The following MUCL3 variants were observed in gnomAD, a reference collection of about 807,000 sequenced individuals.
MUCL3 encodes the protein mucin-like protein 3.
Under a neutral mutation model 70.2 loss-of-function variants are expected in MUCL3, and 42 were observed. That is an observed-to-expected ratio of 0.60 (90% CI 0.47 to 0.77). MUCL3 has a LOEUF of 0.77. Among genes scored for constraint, MUCL3 ranks in the 30% least tolerant of loss-of-function variants. The probability of loss-of-function intolerance (pLI) is 0.00; values close to 1 mark genes in which losing one functional copy is unlikely to be tolerated. For synonymous variants in MUCL3, 522 were observed against 647.0 expected, an observed-to-expected ratio of 0.81 and a Z score of 2.93; for missense variants, 1,429 against 1,670.0, an observed-to-expected ratio of 0.86 and a Z score of 2.52.
Position 30,948,813 on chromosome 6 carries a change from G to A in MUCL3, c.349G>A (p.Ala117Thr). ...CAAAAGCTCTACAGATAATCATGAG[G>A]CTCCTCCCACTTCTGAAGAAAACTC... Reference protein sequence around the residue: ...DHKSSTDNHEAPPTSEENSSN... With the variant: ...DHKSSTDNHETPPTSEENSSN... Residue 117 changes from alanine to threonine, a missense_variant, in exon 2 of 3, where the codon GCT becomes ACT. By Grantham distance (58) the Ala-to-Thr change is moderately conservative. Coordinates refer to ENST00000462446, the MANE Select transcript of MUCL3 (RefSeq NM_080870.4). 6.4e-7 allele frequency: 1 copy of A among 1,551,576 alleles called. No individual in the cohort carries two copies. Among genetic ancestry groups the A allele is most frequent in the Non-Finnish European group, 8.7e-7 (1 of 1,146,980 alleles).
intron 1 of MUCL3, among the ~76,000 whole-genome samples, chr6:30,945,377 G>A (rs776406274): frequency 2.0e-5 from 3 of 150,908 alleles, no homozygotes; most frequent in Non-Finnish European, 4.4e-5. Flanking sequence ...AGTGGCTCAC[G>A]CCTATAATCC....
Position 30,954,148 on chromosome 6 carries a change from A to C in MUCL3, c.*1031A>C, listed in dbSNP as rs987707968. 2.0e-5 allele frequency: 3 copies of C among 152,186 alleles called. No homozygotes were observed. Among genetic ancestry groups the C allele is most frequent in the African/African-American group, 7.2e-5 (3 of 41,418 alleles). 9.4% of individuals were successfully genotyped at this position (152,186 alleles called of 1,614,324 possible). A position where few individuals can be genotyped will look rare whatever the true frequency, so the allele number is the denominator to read the frequency against. On this transcript the variant is annotated 3_prime_UTR_variant, in exon 3 of 3. Transcript: ENST00000462446. This position sits in a 1 kb window ranked among gnomAD's most constrained non-coding sequence, Gnocchi z 4.4. ...ATTACTGATTGGGTAGAGGGGGAAA[A>C]GGAGAATGATGATGATAGTTTCCTT...
chr6:30,946,761 G>T (rs902555973), intron 1 of MUCL3, among the ~76,000 whole-genome samples: 1 of 152,204 alleles, frequency 6.6e-6, no homozygotes, highest in Non-Finnish European at 1.5e-5. Context: ...CTGGGCCCGG[G>T]ACCCCAGGAT....
At position 30,950,390 on chromosome 6, in the gene MUCL3, A is replaced by G. The variant is rs1171308930; in HGVS notation, c.1926A>G (p.Thr642=). ...ENTTPSPAGP[T]ENREMTANEK... ...CCACACCATCCCCAGCAGGGCCTAC[A>G]GAAAATAGAGAAATGACAGCCAACG... Residue 642 remains threonine (T), a synonymous_variant, in exon 2 of 3, where the codon ACA becomes ACG. Transcript: ENST00000462446. 2 of 1,550,648 alleles carry G rather than the reference A, an allele frequency of 1.3e-6. No homozygotes were observed. The highest frequency in any genetic ancestry group is 1.7e-6 in the Non-Finnish European group (2 of 1,146,628).
At position 30,949,134 on chromosome 6, in the gene MUCL3, T is replaced by C; in HGVS notation, c.670T>C (p.Ser224Pro). 1.9e-6 allele frequency: 3 copies of C among 1,551,290 alleles called. No homozygotes were observed. The South Asian group carries it at 3.6e-5, about 18-fold the overall frequency. The change falls in exon 2 of 3, where the codon TCT becomes CCT. Residue 224 changes from serine to proline, a missense_variant. Physicochemically the swap from Ser to Pro is moderately conservative, Grantham distance 74. Transcript: ENST00000462446. ...GNSQTKQKSTSFPEKITAASK... is the reference protein window; with the variant it reads ...GNSQTKQKSTPFPEKITAASK... ...TTCACAGACCAAGCAAAAAAGCACA[T>C]CTTTTCCAGAAAAAATCACAGCAGC...
At chr6:30,945,489 A>G (rs1233051860) in intron 1 of MUCL3, among the ~76,000 whole-genome samples, 4 of 151,364 alleles carry the variant, frequency 2.6e-5, no homozygotes, top group African/African-American at 9.7e-5. Flanking sequence ...AAAAAAAAAA[A>G]AAAAGGTGAG....
Position 30,949,300 on chromosome 6 carries a change from C to A in MUCL3, c.836C>A (p.Thr279Lys). ...GAGACCATATCAGCCAATGAGCTCA[C>A]ACAATCTCTAGCAGAGCCTACAGAA... ...IQETISANEL[T>K]QSLAEPTEHG... Residue 279 changes from threonine (T) to lysine (K), a missense_variant, in exon 2 of 3, where the codon ACA (threonine) becomes AAA (lysine). By Grantham distance (78) the Thr-to-Lys change is moderately conservative (BLOSUM62 -1). Transcript: ENST00000462446. 1 of 1,551,744 alleles carries A rather than the reference C, an allele frequency of 6.4e-7. No homozygotes were observed. The highest frequency in any genetic ancestry group is 8.7e-7 in the Non-Finnish European group (1 of 1,146,998).
intron 1 of MUCL3, among the ~76,000 whole-genome samples, chr6:30,941,603 G>A (rs1795582133): frequency 7.0e-6 from 1 of 141,848 alleles, no homozygotes; most frequent in Non-Finnish European, 1.6e-5. Context: ...GGGATTACAG[G>A]CACCTGCCAC....
Position 30,951,193 on chromosome 6 carries a change from C to T in MUCL3, c.2729C>T (p.Thr910Ile), listed in dbSNP as rs957525816. ...GAAAATGGAGAAAGGACCCCATTTACCAATGAGAAGACCACACCATCCTCA... is the reference window on the plus strand; with the variant it reads ...GAAAATGGAGAAAGGACCCCATTTATCAATGAGAAGACCACACCATCCTCA... The part of the protein sequence containing the change: ...PTENGERTPF[T>I]NEKTTPSSAE... Residue 910 changes from threonine to isoleucine, a missense_variant, in exon 2 of 3, where the codon ACC becomes ATC. Thr to Ile is a moderately conservative substitution (Grantham distance 89). Transcript: ENST00000462446. 5 of 1,551,258 alleles carry T rather than the reference C, an allele frequency of 3.2e-6. No homozygotes were observed. Among genetic ancestry groups the T allele is most frequent in the Non-Finnish European group, 4.4e-6 (5 of 1,146,940 alleles).
rs1436258447 is a variant in MUCL3 at position 30,943,554 on chromosome 6, T to G, written c.82+2473T>G. On this transcript the variant is annotated intron_variant, in intron 1 of 2. Transcript: ENST00000462446. ...AGGCTCAAGTGCAGTCTAGATGAAA[T>G]CATCTGAGGGAGCACAGGTGCAGCC... Among the ~76,000 whole-genome samples the G allele has an allele frequency of 2.1e-4, 31 of 147,672 alleles. 1 individual carries two copies. Among genetic ancestry groups the G allele is most frequent in the Non-Finnish European group, 3.0e-5 (2 of 67,108 alleles).
At position 30,952,430 on chromosome 6, in the gene MUCL3, A is replaced by G; in HGVS notation, c.3966A>G (p.Ala1322=). The G allele has an allele frequency of 4.3e-6, 7 of 1,613,840 alleles. No homozygotes were observed. The highest frequency in any genetic ancestry group is 5.9e-6 in the Non-Finnish European group (7 of 1,179,924). ...TGGGAGAGAATGATTCATTCCCTGCATGGGCCATAGTTATTGTGGTCCTGG... is the reference window on the plus strand; with the variant it reads ...TGGGAGAGAATGATTCATTCCCTGCGTGGGCCATAGTTATTGTGGTCCTGG... ...GQMGENDSFP[A]WAIVIVVLVA... is the part of the protein sequence containing the mutation. Residue 1322 remains alanine, a synonymous_variant, in exon 2 of 3, where the codon GCA becomes GCG. Coordinates refer to ENST00000462446, the MANE Select transcript of MUCL3 (RefSeq NM_080870.4).
chr6:30,953,134 C>T lies in MUCL3; in HGVS notation c.*17C>T, dbSNP rs779098521. The stretch of plus-strand genomic sequence containing the variant: ...CCACGGTGATCTTGGAGTAGGCGCC[C>T]AGCCCTGGCTCTTCCATGCTCTGCC... On this transcript the variant is annotated 3_prime_UTR_variant, in exon 3 of 3. Transcript: ENST00000462446. 9.3e-6 allele frequency: 15 copies of T among 1,612,972 alleles called. No homozygotes were observed. In the South Asian group the frequency reaches 1.5e-4, roughly 17 times the overall value.
intron 1 of MUCL3, among the ~76,000 whole-genome samples, chr6:30,945,378 C>T (rs1041086336): frequency 4.0e-5 from 6 of 151,714 alleles, no homozygotes; most frequent in Non-Finnish European, 8.8e-5. Context: ...GTGGCTCACG[C>T]CTATAATCCT....
chr6:30,942,196 A>G (rs1478676335), intron 1 of MUCL3, among the ~76,000 whole-genome samples: 1 of 152,226 alleles, frequency 6.6e-6, no homozygotes, highest in Non-Finnish European at 1.5e-5. Flanking sequence ...ACATCTCAGG[A>G]CTTTGATGGG....
intron 1 of MUCL3, among the ~76,000 whole-genome samples, chr6:30,945,470 T>A (rs1345340744): frequency 8.6e-6 from 1 of 116,460 alleles, no homozygotes; most frequent in Non-Finnish European, 1.8e-5. Flanking sequence ...AGACCCTGCG[T>A]CTTAAAAAAA....
At chr6:30,944,257 CCTTTCT>C (rs1216847887) in intron 1 of MUCL3, among the ~76,000 whole-genome samples, 1 of 150,974 alleles carries the variant, frequency 6.6e-6, no homozygotes, top group Non-Finnish European at 1.5e-5. Flanking sequence ...CTTTTCTTTC[CCTTTCT>C]CTTTCTTTCT....
In MUCL3 at chr6:30,951,709, G is replaced by A. The variant is rs189782625; in HGVS notation, c.3245G>A (p.Gly1082Glu). 1.6e-4 allele frequency: 248 copies of A among 1,548,724 alleles called. No homozygotes were observed. The African/African-American group carries it at 2.7e-3, about 17-fold the overall frequency. ...ANEKITLSPEGPTEHGAKTTS... is the reference protein window; with the variant it reads ...ANEKITLSPEEPTEHGAKTTS... ...GAGAAGATCACACTATCCCCAGAAG[G>A]GCCTACAGAACATGGAGCAAAAACT... Residue 1082 changes from glycine (G) to glutamate (E), a missense_variant, in exon 2 of 3, where the codon GGG (glycine) becomes GAG (glutamate). Transcript: ENST00000462446.
In MUCL3 at chr6:30,949,222, G is replaced by C. The variant is rs1760469654; in HGVS notation, c.758G>C (p.Arg253Thr). 6.4e-7 allele frequency: 1 copy of C among 1,550,760 alleles called. No homozygotes were observed. The highest frequency in any genetic ancestry group is 2.0e-5 in the Admixed American group (1 of 50,788). The change falls in exon 2 of 3, where the codon AGA (arginine) becomes ACA (threonine). Residue 253 changes from arginine (R) to threonine (T), a missense_variant. Physicochemically the swap from Arg to Thr is moderately conservative, Grantham distance 71 (BLOSUM62 -1). Transcript: ENST00000462446. ...PEESEKTEDS[R>T]TTVASDKLLT... ...GAGTCAGAAAAAACTGAAGATTCCA[G>C]AACAACAGTTGCCTCAGACAAGCTC... is the stretch of plus-strand genomic sequence containing the variant.
chr6:30,952,256 T>G lies in MUCL3; in HGVS notation c.3792T>G (p.Thr1264=). The change falls in exon 2 of 3, where the codon ACT becomes ACG. Residue 1264 remains threonine, a synonymous_variant. Coordinates refer to ENST00000462446, the MANE Select transcript of MUCL3 (RefSeq NM_080870.4). ...CTACCTCTTCTCATCTAAATAAAACTGAAGTTACTCATCAGGTGCCCACTG... is the reference window on the plus strand; with the variant it reads ...CTACCTCTTCTCATCTAAATAAAACGGAAGTTACTCATCAGGTGCCCACTG... ...LTTTSSHLNK[T]EVTHQVPTGS... 6.2e-7 allele frequency: 1 copy of G among 1,614,090 alleles called. No individual in the cohort carries two copies. The highest frequency in any genetic ancestry group is 1.1e-5 in the South Asian group (1 of 91,060).
Sources: allele counts gnomAD v4.1 joint callset (sites outside exome capture counted in the v4.1 genomes callset), GRCh38; gene constraint gnomAD v4.1.1; non-coding constraint Gnocchi (gnomAD v3.1); transcripts MANE v1.5; gene names NCBI Gene and HGNC (gene_info 2026-07-23, HGNC 2026-07-21).